LAD1: variants seen among roughly 807,000 people sequenced by gnomAD.
The protein encoded by LAD1 is ladinin 1.
Under a neutral mutation model 54.2 loss-of-function variants are expected in LAD1, and 53 were observed. That is an observed-to-expected ratio of 0.98 (90% CI 0.78 to 1.23). LAD1 has a LOEUF of 1.23. LAD1 is among the 50% of genes most tolerant of loss of function. LAD1 has a pLI of 0.00. For missense variants in LAD1, 637 were observed against 653.3 expected (o/e 0.98, Z 0.27); for synonymous variants, 231 against 257.7 (o/e 0.90, Z 0.99).
chr1:201,387,083 T>G lies in LAD1; in HGVS notation c.278A>C (p.Gln93Pro). The stretch of plus-strand genomic sequence containing the variant: ...CACCTGCCGCCTCTGCCTCCGCTCC[T>G]GCCGTGTTCTGAGGATGCTCTGGAT... The part of the protein sequence containing the change: ...EDIQSILRTR[Q>P]ERRQRRQVVE... The change falls in exon 3 of 10, where the codon CAG (glutamine) becomes CCG (proline). Residue 93 changes from glutamine (Q) to proline (P), a missense_variant. Physicochemically the swap from Gln to Pro is moderately conservative, Grantham distance 76 (BLOSUM62 -1). Coordinates refer to ENST00000391967, the MANE Select transcript of LAD1 (RefSeq NM_005558.4). The G allele has an allele frequency of 6.2e-7, 1 of 1,609,200 alleles. No individual in the cohort carries two copies. The highest frequency in any genetic ancestry group is 8.5e-7 in the Non-Finnish European group (1 of 1,178,000).
At chr1:201,383,519 A>G in intron 5 of LAD1, 130 bp from the exon 6 acceptor site, 1 of 863,970 alleles carries the variant, frequency 1.2e-6, no homozygotes, top group Non-Finnish European at 2.0e-6. Flanking sequence ...CCTCCATCAC[A>G]CAGCAGGCTG....
chr1:201,383,246 T>A (rs754053725), intron 6 of LAD1, 35 bp from the exon 7 acceptor site: 1 of 1,613,826 alleles, frequency 6.2e-7, no homozygotes, highest in East Asian at 2.2e-5. Flanking sequence ...TGACCCATGC[T>A]GGGGAGGGGA....
intron 1 of LAD1, chr1:201,391,232 G>A: frequency 2.3e-6 from 1 of 441,392 alleles, no homozygotes; most frequent in Non-Finnish European, 4.5e-6. Flanking sequence ...CTTCTCTGGG[G>A]AGCAAGGGGA....
At chr1:201,389,058 C>A (rs748871077) in intron 2 of LAD1, 102 bp downstream of exon 2, 10 of 1,380,228 alleles carry the variant, frequency 7.2e-6, no homozygotes, top group Non-Finnish European at 1.0e-5. Flanking sequence ...CCTTCAGCCT[C>A]ATTTCCTGGG....
chr1:201,392,529 T>C (rs1662213455), intron 1 of LAD1, among the ~76,000 whole-genome samples: 1 of 152,176 alleles, frequency 6.6e-6, no homozygotes, highest in East Asian at 1.9e-4. Context: ...GCCAGATCCG[T>C]CAGCCAGTGT....
intron 7 of LAD1, 153 bp from the exon 8 acceptor site, chr1:201,382,892 G>T (rs1661991937): frequency 3.0e-6 from 3 of 986,262 alleles, no homozygotes; most frequent in East Asian, 2.4e-5. Flanking sequence ...CCTTCCCCCA[G>T]GGAGCTGTGT....
At position 201,387,134 on chromosome 1, in the gene LAD1, G is replaced by T. The variant is rs749932257; in HGVS notation, c.227C>A (p.Pro76Gln). 30 of 1,544,170 alleles carry T rather than the reference G, an allele frequency of 1.9e-5. No individual in the cohort carries two copies. Among genetic ancestry groups the T allele is most frequent in the Non-Finnish European group, 2.6e-5 (30 of 1,148,710 alleles). The change falls in exon 3 of 10, where the codon CCA becomes CAA. Residue 76 changes from proline to glutamine, a missense_variant. Coordinates refer to ENST00000391967, the MANE Select transcript of LAD1 (RefSeq NM_005558.4). ...EEAEVPKPLP[P>Q]ASKDEDEDIQ... ...GTCCTCGTCCTCATCTTTGGAGGCTGGGGGCAGTGGCTTGGGCACCTCTGC... is the reference window on the plus strand; with the variant it reads ...GTCCTCGTCCTCATCTTTGGAGGCTTGGGGCAGTGGCTTGGGCACCTCTGC...
rs1661961327 is a variant in LAD1, at chr1:201,381,644, G to GT, written c.*243_*244insA. On this transcript the variant is annotated 3_prime_UTR_variant, in exon 10 of 10. Coordinates refer to ENST00000391967, the MANE Select transcript of LAD1 (RefSeq NM_005558.4). Reference sequence around the variant, plus strand: ...TTGTGCTGTGACCTGGGCAGAGACTGGGTCCCAGCATCTGTTGTGCCTGCC... The same window carrying GT: ...TTGTGCTGTGACCTGGGCAGAGACTGTGGTCCCAGCATCTGTTGTGCCTGCC... 3 of 601,826 alleles carry GT rather than the reference G, an allele frequency of 5.0e-6. No individual in the cohort carries two copies. In the East Asian group the frequency reaches 8.7e-5, roughly 17 times the overall value. 37.3% of individuals were successfully genotyped at this position (601,826 alleles called of 1,614,324 possible). A position where few individuals can be genotyped will look rare whatever the true frequency, so the allele number is the denominator to read the frequency against.
chr1:201,392,301 G>A (rs959557133), intron 1 of LAD1, among the ~76,000 whole-genome samples: 3 of 152,252 alleles, frequency 2.0e-5, no homozygotes, highest in African/African-American at 7.2e-5. Context: ...TCCAGGGGCT[G>A]GGAACAGCTG....
intron 1 of LAD1, among the ~76,000 whole-genome samples, chr1:201,398,881 C>G (rs777779654): frequency 1.3e-5 from 2 of 152,200 alleles, no homozygotes; most frequent in Non-Finnish European, 2.9e-5. Context: ...GTCCTCTCCG[C>G]CAGAGACACA....
At chr1:201,388,170 C>A (rs1197759536) in intron 2 of LAD1, among the ~76,000 whole-genome samples, 2 of 152,204 alleles carry the variant, frequency 1.3e-5, no homozygotes, top group East Asian at 3.9e-4. Flanking sequence ...GCTGGTGGAT[C>A]ACCTGAGGTC....
intron 1 of LAD1, among the ~76,000 whole-genome samples, chr1:201,398,558 G>A (rs936322727): frequency 1.3e-5 from 2 of 152,126 alleles, no homozygotes; most frequent in African/African-American, 4.8e-5. Context: ...CTCCATGAGG[G>A]GTGCTGCCTT....
intron 1 of LAD1, among the ~76,000 whole-genome samples, chr1:201,396,341 G>A (rs1049395999): frequency 6.6e-6 from 1 of 152,104 alleles, no homozygotes; most frequent in African/African-American, 2.4e-5. Context: ...TGGGGATGGG[G>A]ATCCTCTTTT....
At position 201,382,283 on chromosome 1, in the gene LAD1, C is replaced by G; in HGVS notation, c.1517G>C (p.Gly506Ala). The G allele has an allele frequency of 6.2e-7, 1 of 1,613,846 alleles. No individual in the cohort carries two copies. Among genetic ancestry groups the G allele is most frequent in the Non-Finnish European group, 8.5e-7 (1 of 1,179,890 alleles). ...GTCCAGCGAGGAGTCAGATTTCTGT[C>G]CCCACTGAGTCCTCTCGGTTGCAGA... Reference protein sequence around the residue: ...ASSATERTQWGQKSDSSLDAE... With the variant: ...ASSATERTQWAQKSDSSLDAE... Residue 506 changes from glycine (G) to alanine (A), a missense_variant, in exon 9 of 10, where the codon GGA becomes GCA. Transcript: ENST00000391967.
chr1:201,389,452 G>A (rs1293586945), intron 1 of LAD1, 149 bp from the exon 2 acceptor site: 4 of 828,196 alleles, frequency 4.8e-6, no homozygotes, highest in African/African-American at 3.4e-5. Context: ...CGTGGCTGGT[G>A]TGAACCAAGG....
intron 1 of LAD1, among the ~76,000 whole-genome samples, chr1:201,399,054 G>C (rs780736608): frequency 3.3e-5 from 5 of 152,252 alleles, no homozygotes; most frequent in Non-Finnish European, 5.9e-5. Flanking sequence ...TAAGCACCCT[G>C]TGTGGGGCCT....
At chr1:201,394,921 C>T (rs1434979944) in intron 1 of LAD1, among the ~76,000 whole-genome samples, 1 of 152,240 alleles carries the variant, frequency 6.6e-6, no homozygotes, top group Non-Finnish European at 1.5e-5. Context: ...ACATGCCACC[C>T]TCAGCCCTTG....
chr1:201,393,745 C>CAAA (rs55816688), intron 1 of LAD1, among the ~76,000 whole-genome samples: 1 of 121,186 alleles, frequency 8.3e-6, no homozygotes. Context: ...GACTCCATCT[C>CAAA]AAAAAAAAAA....
intron 1 of LAD1, among the ~76,000 whole-genome samples, chr1:201,391,666 G>A (rs1217680202): frequency 3.3e-5 from 5 of 152,236 alleles, no homozygotes; most frequent in Non-Finnish European, 7.3e-5. Context: ...TATAGGCCAA[G>A]ATTATCAGAA....
Sources: gnomAD v4.1 joint callset for allele counts (sites outside exome capture counted in the v4.1 genomes callset) on GRCh38, gnomAD v4.1.1 for gene constraint, MANE v1.5 for transcripts, NCBI Gene and HGNC (gene_info 2026-07-23, HGNC 2026-07-21) for gene names.